The following SNW1 variants were observed in gnomAD, a reference collection of about 807,000 sequenced individuals.
The protein encoded by SNW1 is SNW domain-containing protein 1.
In SNW1, 9 loss-of-function variants were observed where a neutral mutation model predicts 75.6. The observed-to-expected ratio is 0.12, with a 90% CI of 0.07 to 0.21. The LOEUF (loss-of-function observed/expected upper bound fraction) is 0.21, where lower values mean the gene tolerates loss of function less well. Among genes scored for constraint, SNW1 ranks in the 10% least tolerant of loss-of-function variants. SNW1 has a pLI of 1.00. For synonymous variants in SNW1, 200 were observed against 219.1 expected (o/e 0.91, Z 0.77); for missense variants, 409 against 670.9 (o/e 0.61, Z 4.31).
intron 3 of SNW1, among the ~76,000 whole-genome samples, chr14:77,750,780 G>A (rs548384458): frequency 6.6e-6 from 1 of 152,264 alleles, no homozygotes; most frequent in African/African-American, 2.4e-5. Context: ...TTACTTCGTA[G>A]CAGGGCCATC....
intron 12 of SNW1, 61 bp downstream of exon 12, chr14:77,720,650 C>T (rs552467556): frequency 7.6e-4 from 806 of 1,058,128 alleles, no homozygotes; most frequent in South Asian, 2.2e-3. Flanking sequence ...TGTTAATTTT[C>T]GTTTCCCTGA....
At chr14:77,747,967 G>A (rs1048237559) in intron 3 of SNW1, among the ~76,000 whole-genome samples, 4 of 152,372 alleles carry the variant, frequency 2.6e-5, no homozygotes, top group African/African-American at 9.6e-5. Flanking sequence ...TTGTCGAATG[G>A]AGAGGGGGGA....
chr14:77,724,214 C>T (rs538815752), intron 10 of SNW1, among the ~76,000 whole-genome samples: 20 of 152,114 alleles, frequency 1.3e-4, no homozygotes, highest in Non-Finnish European at 2.1e-4. Flanking sequence ...GATATATAAT[C>T]ATTATACATA....
chr14:77,761,075 C>T (rs773660006), intron 1 of SNW1, 39 bp downstream of exon 1: 64 of 1,614,126 alleles, frequency 4.0e-5, no homozygotes, highest in Non-Finnish European at 5.1e-5. Flanking sequence ...CTGGTACTCC[C>T]AGACCCTTCC....
In SNW1 at chr14:77,732,521, G is replaced by A. The variant is rs957305852; in HGVS notation, c.855C>T (p.Ala285=). ...LQTVHINENF[A]KLAEALYIAD... Reference sequence around the variant, plus strand: ...CAATGTAGAGGGCTTCTGCCAATTTGGCGAAATTTTCATTTATGTGTACTG... The same window carrying A: ...CAATGTAGAGGGCTTCTGCCAATTTAGCGAAATTTTCATTTATGTGTACTG... The change falls in exon 9 of 14, where the codon GCC becomes GCT. Residue 285 remains alanine (A), a synonymous_variant. Coordinates refer to ENST00000261531, the MANE Select transcript of SNW1 (RefSeq NM_012245.3). The A allele has an allele frequency of 6.2e-7, 1 of 1,611,628 alleles. No individual in the cohort carries two copies. The highest frequency in any genetic ancestry group is 8.5e-7 in the Non-Finnish European group (1 of 1,177,966).
Position 77,717,941 on chromosome 14 carries a change from C to T in SNW1, c.*147G>A. The T allele has an allele frequency of 1.4e-6, 1 of 690,744 alleles. No homozygotes were observed. The highest frequency in any genetic ancestry group is 2.6e-5 in the East Asian group (1 of 38,432). 42.8% of individuals were successfully genotyped at this position (690,744 alleles called of 1,614,324 possible). A position where few individuals can be genotyped will look rare whatever the true frequency, so the allele number is the denominator to read the frequency against. ...TAATTCAAAGTAGAATTTTCTATCC[C>T]CCCCATTTCTCCAGTAATAAAAAGT... is the stretch of plus-strand genomic sequence containing the variant. On this transcript the variant is annotated 3_prime_UTR_variant, in exon 14 of 14. Coordinates refer to ENST00000261531, the MANE Select transcript of SNW1 (RefSeq NM_012245.3).
intron 8 of SNW1, among the ~76,000 whole-genome samples, chr14:77,733,381 T>C (rs2080642450): frequency 6.6e-6 from 1 of 152,134 alleles, no homozygotes; most frequent in African/African-American, 2.4e-5. Context: ...TCTTAGCATC[T>C]ATAGGAAGTT....
chr14:77,724,762 A>C (rs2080571445), intron 10 of SNW1, among the ~76,000 whole-genome samples: 1 of 152,220 alleles, frequency 6.6e-6, no homozygotes, highest in Non-Finnish European at 1.5e-5. Context: ...ACTGGACACA[A>C]CTTGATTCCG....
At chr14:77,740,135 TAAA>T (rs1170373918) in intron 3 of SNW1, among the ~76,000 whole-genome samples, 2 of 65,180 alleles carry the variant, frequency 3.1e-5, no homozygotes, top group Non-Finnish European at 5.8e-5. Flanking sequence ...CACTGTATAT[TAAA>T]AAAAAAAAAA....
intron 12 of SNW1, 98 bp from the exon 13 acceptor site, chr14:77,718,628 T>C: frequency 1.4e-6 from 1 of 728,622 alleles, no homozygotes; most frequent in African/African-American, 1.8e-5. Context: ...AATGTACAGC[T>C]CACATTTTCA....
At chr14:77,741,588 G>GAC (rs2080719632) in intron 3 of SNW1, among the ~76,000 whole-genome samples, 2 of 152,142 alleles carry the variant, frequency 1.3e-5, no homozygotes, top group South Asian at 4.1e-4. Context: ...TAAGAGTGTT[G>GAC]ATTTTGGAAG....
Position 77,755,108 on chromosome 14 carries a change from T to C in SNW1, c.27A>G (p.Ala9=), listed in dbSNP as rs2080834297. 7.4e-6 allele frequency: 12 copies of C among 1,612,398 alleles called. No homozygotes were observed. Among genetic ancestry groups the C allele is most frequent in the Non-Finnish European group, 1.0e-5 (12 of 1,179,850 alleles). ...GCTGGTCCTGAGATAGCTGAGTAGGTGCAGGTAAAAAGCTATAAGCAAAGA... is the reference window on the plus strand; with the variant it reads ...GCTGGTCCTGAGATAGCTGAGTAGGCGCAGGTAAAAAGCTATAAGCAAAGA... MALTSFLP[A]PTQLSQDQLE... The change falls in exon 2 of 14, where the codon GCA becomes GCG. Residue 9 remains alanine, a synonymous_variant. Transcript: ENST00000261531.
At chr14:77,754,838 G>T in intron 2 of SNW1, 129 bp downstream of exon 2, 1 of 794,306 alleles carries the variant, frequency 1.3e-6, no homozygotes, top group Non-Finnish European at 1.9e-6. Context: ...CATCTTGAGA[G>T]CACATAACCA....
chr14:77,749,581 A>G (rs908889038), intron 3 of SNW1, among the ~76,000 whole-genome samples: 13 of 152,050 alleles, frequency 8.5e-5, no homozygotes, highest in Non-Finnish European at 1.3e-4. Flanking sequence ...CCTGGCTAAC[A>G]TGGTGAAACC....
At chr14:77,749,153 A>C (rs1399668028) in intron 3 of SNW1, among the ~76,000 whole-genome samples, 1 of 152,254 alleles carries the variant, frequency 6.6e-6, no homozygotes, top group Admixed American at 6.5e-5. Flanking sequence ...CAGATTGAAC[A>C]GTCATCAGCA....
intron 5 of SNW1, 109 bp from the exon 6 acceptor site, chr14:77,737,184 A>C: frequency 1.4e-6 from 1 of 723,298 alleles, no homozygotes; most frequent in Non-Finnish European, 2.4e-6. Context: ...CCTTTCGCAA[A>C]GTATTAACAG....
chr14:77,752,922 T>G (rs1054581779), intron 2 of SNW1, among the ~76,000 whole-genome samples: 1 of 152,158 alleles, frequency 6.6e-6, no homozygotes, highest in Non-Finnish European at 1.5e-5. Flanking sequence ...GAGAAAGAGT[T>G]AAAGCATTCC....
At chr14:77,726,538 G>A (rs907580924) in intron 10 of SNW1, among the ~76,000 whole-genome samples, 2 of 152,102 alleles carry the variant, frequency 1.3e-5, no homozygotes, top group African/African-American at 2.4e-5. Context: ...ATTCCTAGGA[G>A]GCTATGTGCA....
At chr14:77,741,736 A>C (rs77660799) in intron 3 of SNW1, among the ~76,000 whole-genome samples, 9,970 of 151,538 alleles carry the variant, frequency 0.066, 403 homozygotes, top group African/African-American at 0.096. Context: ...TTATATAACA[A>C]CACAAGAAAA....
Sources: gnomAD v4.1 joint callset for allele counts (sites outside exome capture counted in the v4.1 genomes callset) on GRCh38, gnomAD v4.1.1 for gene constraint, MANE v1.5 for transcripts, NCBI Gene and HGNC (gene_info 2026-07-23, HGNC 2026-07-21) for gene names.